CHD9: variants seen among roughly 807,000 people sequenced by gnomAD.
CHD9 encodes chromodomain helicase DNA binding protein 9.
CHD9 carries 77 observed loss-of-function variants against 316.1 expected under a neutral mutation model. The ratio of observed to expected loss-of-function variants is 0.24; its 90% confidence interval spans 0.20 to 0.29. The LOEUF (loss-of-function observed/expected upper bound fraction) is 0.29. Among genes scored for constraint, CHD9 ranks in the 10% least tolerant of loss-of-function variants. The pLI is 1.00. For synonymous variants in CHD9, 1,129 were observed against 1,158.3 expected, an observed-to-expected ratio of 0.97 and a Z score of 0.51; for missense variants, 2,763 against 3,438.1, an observed-to-expected ratio of 0.80 and a Z score of 4.91.
At chr16:53,132,010 A>G (rs2039361326) in intron 1 of CHD9, among the ~76,000 whole-genome samples, 1 of 152,086 alleles carries the variant, frequency 6.6e-6, no homozygotes, top group African/African-American at 2.4e-5. Context: ...GCCAAGCACT[A>G]CCCGGAAAGC....
chr16:53,175,837 TATC>T (rs1163148702), intron 2 of CHD9, among the ~76,000 whole-genome samples: 1 of 152,196 alleles, frequency 6.6e-6, no homozygotes, highest in Admixed American at 6.5e-5. Flanking sequence ...AGTTAGATCT[TATC>T]ATCTACTGTT....
chr16:53,188,617 T>TC, intron 2 of CHD9, among the ~76,000 whole-genome samples: 1 of 138,470 alleles, frequency 7.2e-6, no homozygotes, highest in East Asian at 2.0e-4. Context: ...TTTTTTTTTT[T>TC]TTTTTTTTTT....
At chr16:53,140,714 A>G (rs1268576018) in intron 1 of CHD9, among the ~76,000 whole-genome samples, 1 of 152,134 alleles carries the variant, frequency 6.6e-6, no homozygotes, top group Admixed American at 6.5e-5. Context: ...CAGCCTCCCA[A>G]GTAGCTGGGA....
chr16:53,077,996 C>T (rs548763683), intron 1 of CHD9, among the ~76,000 whole-genome samples: 38 of 152,230 alleles, frequency 2.5e-4, no homozygotes, highest in African/African-American at 8.7e-4. Flanking sequence ...GTCGCTTGAA[C>T]CGGGGAGGTG....
At chr16:53,084,287 T>G (rs2035276384) in intron 1 of CHD9, among the ~76,000 whole-genome samples, 1 of 152,202 alleles carries the variant, frequency 6.6e-6, no homozygotes, top group Admixed American at 6.5e-5. Context: ...CAGGTGAATT[T>G]TAAGTTCTTA....
chr16:53,280,545 G>A (rs533914528), intron 24 of CHD9, among the ~76,000 whole-genome samples: 1 of 151,932 alleles, frequency 6.6e-6, no homozygotes. Context: ...GGGGGTTCGG[G>A]ATAAAAGACT....
rs746302068 is a variant in CHD9 at position 53,272,080 on chromosome 16, G to A, written c.4718-1546G>A. 5.0e-4 allele frequency among the ~76,000 whole-genome samples: 76 copies of A among 151,892 alleles called. 1 individual carries two copies. The highest frequency in any genetic ancestry group is 1.3e-4 in the Admixed American group (2 of 15,242). ...AAAGAGGAAAATTGTTAGATGGGGG[G>A]AAAAATAAACATTTTATACTTTAAA... On this transcript the variant is annotated intron_variant, in intron 22 of 38. Coordinates refer to ENST00000447540, the MANE Select transcript of CHD9 (RefSeq NM_001308319.2).
At chr16:53,210,960 A>T (rs1045555434) in intron 3 of CHD9, among the ~76,000 whole-genome samples, 1 of 151,954 alleles carries the variant, frequency 6.6e-6, no homozygotes, top group African/African-American at 2.4e-5. Flanking sequence ...TACTTCTTTT[A>T]TTGTTTTTTT....
intron 32 of CHD9, 75 bp from the exon 33 acceptor site, chr16:53,307,605 GA>G: frequency 1.5e-6 from 2 of 1,333,510 alleles, no homozygotes; most frequent in Non-Finnish European, 2.0e-6. Context: ...TAAATCCATA[GA>G]CTCTTGAGCT....
At position 53,157,267 on chromosome 16, in the gene CHD9, A is replaced by C. The variant is rs2041582965; in HGVS notation, c.1178A>C (p.Gln393Pro). The C allele has an allele frequency of 3.7e-6, 6 of 1,605,974 alleles. No homozygotes were observed. Among genetic ancestry groups the C allele is most frequent in the Non-Finnish European group, 5.1e-6 (6 of 1,175,618 alleles). Residue 393 changes from glutamine (Q) to proline (P), a missense_variant, in exon 2 of 39, where the codon CAA (glutamine) becomes CCA (proline). Coordinates refer to ENST00000447540, the MANE Select transcript of CHD9 (RefSeq NM_001308319.2). Reference sequence around the variant, plus strand: ...TCTTTAGAAGAGAATTTACTTCATCAAGTGGAATCTCAAACTGAGCCATTC... The same window carrying C: ...TCTTTAGAAGAGAATTTACTTCATCCAGTGGAATCTCAAACTGAGCCATTC... ...FSSLEENLLH[Q>P]VESQTEPFTG...
At chr16:53,248,962 T>C (rs2049910118) in intron 16 of CHD9, among the ~76,000 whole-genome samples, 1 of 152,170 alleles carries the variant, frequency 6.6e-6, no homozygotes, top group African/African-American at 2.4e-5. Flanking sequence ...GTCCTACTCT[T>C]TAGCCTCATT....
intron 20 of CHD9, among the ~76,000 whole-genome samples, chr16:53,265,262 C>T (rs1384808231): frequency 6.6e-6 from 1 of 151,866 alleles, no homozygotes; most frequent in African/African-American, 2.4e-5. Flanking sequence ...ATTAGCTAGG[C>T]GTGATTGTGC....
In CHD9 at chr16:53,227,522, C is replaced by G. The variant is rs759715364; in HGVS notation, c.2113-26C>G. 4 of 1,474,972 alleles carry G rather than the reference C, an allele frequency of 2.7e-6. No individual in the cohort carries two copies. The Admixed American group carries it at 6.9e-5, about 25-fold the overall frequency. 91.4% of individuals were successfully genotyped at this position (1,474,972 alleles called of 1,614,324 possible). A position where few individuals can be genotyped will look rare whatever the true frequency, so the allele number is the denominator to read the frequency against. ...TATTCTGTGGCCTGTTTAAAAGAGTCACCATTACTGATTTTCTTTTCTTAG... is the reference window on the plus strand; with the variant it reads ...TATTCTGTGGCCTGTTTAAAAGAGTGACCATTACTGATTTTCTTTTCTTAG... On this transcript the variant is annotated intron_variant, in intron 6 of 38. Transcript: ENST00000447540.
chr16:53,105,886 C>T (rs941276346), intron 1 of CHD9, among the ~76,000 whole-genome samples: 3 of 150,338 alleles, frequency 2.0e-5, no homozygotes, highest in Admixed American at 6.7e-5. Context: ...TGCAATAGCG[C>T]GGTCTTGGTC....
intron 1 of CHD9, among the ~76,000 whole-genome samples, chr16:53,104,065 G>T (rs531277669): frequency 6.6e-6 from 1 of 152,182 alleles, no homozygotes; most frequent in African/African-American, 2.4e-5. Context: ...TGCTCTGGTC[G>T]TGGAGCTGCT....
chr16:53,154,429 G>A (rs2041358372), intron 1 of CHD9, among the ~76,000 whole-genome samples: 1 of 152,092 alleles, frequency 6.6e-6, no homozygotes, highest in African/African-American at 2.4e-5. Context: ...TGATTCTTTA[G>A]TTTTTATATT....
At chr16:53,099,859 C>A (rs2036696971) in intron 1 of CHD9, among the ~76,000 whole-genome samples, 1 of 152,232 alleles carries the variant, frequency 6.6e-6, no homozygotes, top group South Asian at 2.1e-4. Flanking sequence ...GACCAGGCGC[C>A]CCGGGCAGCG....
chr16:53,293,480 G>T (rs2054526464), intron 29 of CHD9, among the ~76,000 whole-genome samples: 1 of 152,002 alleles, frequency 6.6e-6, no homozygotes, highest in African/African-American at 2.4e-5. Context: ...GCCAGGTGTG[G>T]TGGCGCATGC....
intron 10 of CHD9, among the ~76,000 whole-genome samples, chr16:53,234,517 G>T (rs1017964966): frequency 6.6e-6 from 1 of 151,960 alleles, no homozygotes; most frequent in Non-Finnish European, 1.5e-5. Context: ...TTCAAAATTT[G>T]ATGAGTTTTA....
Sources: allele counts gnomAD v4.1 joint callset (sites outside exome capture counted in the v4.1 genomes callset), GRCh38; gene constraint gnomAD v4.1.1; transcripts MANE v1.5; gene names NCBI Gene and HGNC (gene_info 2026-07-23, HGNC 2026-07-21).